RCL1: variants seen among roughly 807,000 people sequenced by gnomAD.
RCL1 encodes RNA 3'-terminal phosphate cyclase-like protein.
Under a neutral mutation model 42.4 loss-of-function variants are expected in RCL1, and 24 were observed. That is an observed-to-expected ratio of 0.57 (90% CI 0.41 to 0.80). The LOEUF is 0.80. Ranked by LOEUF, RCL1 falls within the 30% of genes least tolerant of loss-of-function variation. RCL1 has a pLI of 0.00. For missense variants in RCL1, 578 were observed against 467.9 expected, an observed-to-expected ratio of 1.24 and a Z score of -2.17; for synonymous variants, 228 against 177.3, an observed-to-expected ratio of 1.29 and a Z score of -2.27.
chr9:4,834,974 TTGCC>T (rs981174659), intron 5 of RCL1, among the ~76,000 whole-genome samples: 9 of 152,224 alleles, frequency 5.9e-5, no homozygotes, highest in Non-Finnish European at 4.4e-5. Flanking sequence ...ATTTTTACTT[TTGCC>T]TATAGAAAGG....
At chr9:4,817,453 G>A (rs934413476) in intron 1 of RCL1, among the ~76,000 whole-genome samples, 45 of 145,456 alleles carry the variant, frequency 3.1e-4, no homozygotes, top group African/African-American at 1.0e-3. Context: ...CAGTTAATTA[G>A]CTTGATTTTT....
Position 4,860,562 on chromosome 9 carries a change from C to G in RCL1, c.*287C>G. On this transcript the variant is annotated 3_prime_UTR_variant, in exon 9 of 9. Transcript: ENST00000381750. ...TCAGGCCACAGTCGTGCTGCTAGAA[C>G]AGTCTCGTAGCTGCAGTTCAGCTGT... is the stretch of plus-strand genomic sequence containing the variant. 2.7e-6 allele frequency: 1 copy of G among 364,530 alleles called. No homozygotes were observed. The highest frequency in any genetic ancestry group is 4.9e-6 in the Non-Finnish European group (1 of 204,288). The allele number at this position is 364,530 out of a possible 1,614,324, so 22.6% of individuals were successfully genotyped here. A position where few individuals can be genotyped will look rare whatever the true frequency, so the allele number is the denominator to read the frequency against.
intron 8 of RCL1, among the ~76,000 whole-genome samples, chr9:4,859,133 G>A (rs879515490): frequency 4.6e-5 from 7 of 152,198 alleles, no homozygotes; most frequent in Admixed American, 4.6e-4. Flanking sequence ...GGTCTGCCAG[G>A]CGAGACCATT....
At chr9:4,854,812 T>G (rs1817879318) in intron 8 of RCL1, among the ~76,000 whole-genome samples, 1 of 152,102 alleles carries the variant, frequency 6.6e-6, no homozygotes. Flanking sequence ...ATCCCAGCAC[T>G]TTGGGAGGCC....
At chr9:4,846,930 G>C (rs1057003601) in intron 7 of RCL1, among the ~76,000 whole-genome samples, 2 of 140,548 alleles carry the variant, frequency 1.4e-5, no homozygotes, top group Non-Finnish European at 3.1e-5. Context: ...CTCTTTCCCA[G>C]GCTGGAGTGC....
At chr9:4,834,849 A>G (rs1312533677) in intron 5 of RCL1, among the ~76,000 whole-genome samples, 2 of 152,116 alleles carry the variant, frequency 1.3e-5, no homozygotes, top group Non-Finnish European at 2.9e-5. Flanking sequence ...TTTTTTGCAG[A>G]TGGGGAAACT....
intron 8 of RCL1, among the ~76,000 whole-genome samples, chr9:4,858,065 G>A (rs1818023955): frequency 6.6e-6 from 1 of 151,200 alleles, no homozygotes; most frequent in African/African-American, 2.4e-5. Context: ...CAATTTTTTT[G>A]TAGAGATGGG....
chr9:4,805,583 A>G (rs1280381313), intron 1 of RCL1, among the ~76,000 whole-genome samples: 2 of 152,224 alleles, frequency 1.3e-5, no homozygotes, highest in Non-Finnish European at 2.9e-5. Context: ...AAGTAGGTCA[A>G]GTGGCCAGCC....
At chr9:4,834,471 CT>C (rs5896097) in intron 5 of RCL1, among the ~76,000 whole-genome samples, 102,892 of 128,500 alleles carry the variant, frequency 0.8, 40,917 homozygotes, top group East Asian at 0.98. Flanking sequence ...TTGAGTCATT[CT>C]TTTTTTTTTT....
At chr9:4,855,967 G>A (rs1425207146) in intron 8 of RCL1, among the ~76,000 whole-genome samples, 1 of 152,194 alleles carries the variant, frequency 6.6e-6, no homozygotes, top group Non-Finnish European at 1.5e-5. Context: ...TGGGGAGGGT[G>A]TCTGGTTTTT....
chr9:4,798,878 CTTTTT>C (rs33938649), intron 1 of RCL1, among the ~76,000 whole-genome samples: 1 of 139,794 alleles, frequency 7.2e-6, no homozygotes, highest in Admixed American at 7.1e-5. Flanking sequence ...AAGACTTCTT[CTTTTT>C]TTTTTTTTTT....
Position 4,860,257 on chromosome 9 carries a change from T to A in RCL1, c.1104T>A (p.Leu368=). 6.2e-7 allele frequency: 1 copy of A among 1,613,482 alleles called. No individual in the cohort carries two copies. The highest frequency in any genetic ancestry group is 1.1e-5 in the South Asian group (1 of 90,906). Reference sequence around the variant, plus strand: ...GTGTTGGCATTGGTTTCTCCAACCTTAGCAAGACCCTCAAGTGATAACCAT... The same window carrying A: ...GTGTTGGCATTGGTTTCTCCAACCTAAGCAAGACCCTCAAGTGATAACCAT... ...MTCVGIGFSN[L]SKTLK The change falls in exon 9 of 9, where the codon CTT becomes CTA. Residue 368 remains leucine (L), a synonymous_variant. Transcript: ENST00000381750.
intron 1 of RCL1, among the ~76,000 whole-genome samples, chr9:4,814,577 A>T (rs575011512): frequency 6.6e-6 from 1 of 152,266 alleles, no homozygotes; most frequent in South Asian, 2.1e-4. Context: ...TCCTGTCCTT[A>T]TAAAAATTGT....
intron 8 of RCL1, among the ~76,000 whole-genome samples, chr9:4,853,159 C>T (rs1272617868): frequency 6.6e-6 from 1 of 151,960 alleles, no homozygotes; most frequent in Non-Finnish European, 1.5e-5. Context: ...TTCATCATAA[C>T]TTCATAAGGG....
chr9:4,846,915 T>C (rs1467803304), intron 7 of RCL1, among the ~76,000 whole-genome samples: 4 of 148,930 alleles, frequency 2.7e-5, no homozygotes, highest in African/African-American at 9.9e-5. Flanking sequence ...TGAGGAAGAG[T>C]CTCACTCTTT....
intron 5 of RCL1, among the ~76,000 whole-genome samples, chr9:4,838,166 A>C (rs1230076864): frequency 6.6e-6 from 1 of 152,112 alleles, no homozygotes; most frequent in Non-Finnish European, 1.5e-5. Context: ...TGTATTTCCC[A>C]TGGGAGGGCT....
rs6476917 is a variant in RCL1, at chr9:4,846,395, C to G, written c.867+1714C>G. On this transcript the variant is annotated intron_variant, in intron 7 of 8. Coordinates refer to ENST00000381750, the MANE Select transcript of RCL1 (RefSeq NM_005772.5). ...AAGGAGGAGGTATTCTTTGACAAGTCTTGTGCAGTCACGATCTGGCCTCAG... is the reference window on the plus strand; with the variant it reads ...AAGGAGGAGGTATTCTTTGACAAGTGTTGTGCAGTCACGATCTGGCCTCAG... Among the ~76,000 whole-genome samples the G allele has an allele frequency of 1.3e-3, 197 of 152,294 alleles. 2 individuals carry two copies. Among genetic ancestry groups the G allele is most frequent in the African/African-American group, 4.4e-3 (184 of 41,546 alleles).
chr9:4,839,565 G>T (rs1817245432), intron 5 of RCL1: 1 of 678,324 alleles, frequency 1.5e-6, no homozygotes, highest in African/African-American at 1.9e-5. Context: ...TTGGTCCAAA[G>T]GGTATGAGAT....
chr9:4,850,299 T>G (rs1817689530), intron 8 of RCL1: 1 of 534,096 alleles, frequency 1.9e-6, no homozygotes, highest in South Asian at 1.4e-5. Flanking sequence ...GAGACTGAAC[T>G]GTCCTTTTTC....
Sources: gnomAD v4.1 joint callset for allele counts (sites outside exome capture counted in the v4.1 genomes callset) on GRCh38, gnomAD v4.1.1 for gene constraint, MANE v1.5 for transcripts, NCBI Gene and HGNC (gene_info 2026-07-23, HGNC 2026-07-21) for gene names.